The following SLC1A6 variants were observed in gnomAD, a reference collection of about 807,000 sequenced individuals.
SLC1A6 encodes excitatory amino acid transporter 4.
SLC1A6 carries 15 observed loss-of-function variants against 42.1 expected under a neutral mutation model. The ratio of observed to expected loss-of-function variants is 0.36; its 90% CI spans 0.24 to 0.55. SLC1A6 has a LOEUF of 0.55. Ranked by LOEUF, SLC1A6 falls within the 20% of genes least tolerant of loss-of-function variation. The probability of loss-of-function intolerance (pLI) is 0.88; values close to 1 mark genes in which losing one functional copy is unlikely to be tolerated. For missense variants in SLC1A6, 542 were observed against 772.5 expected (o/e 0.70, Z 3.54); for synonymous variants, 317 against 319.7 (o/e 0.99, Z 0.09).
rs200628639 is a variant in SLC1A6, at chr19:14,996,528, TTTCTTCTTC to T, written c.6+13948_6+13956del. 4.5e-3 allele frequency among the ~76,000 whole-genome samples: 566 copies of T among 125,942 alleles called. 4 individuals carry two copies. The highest frequency in any genetic ancestry group is 0.016 in the African/African-American group (512 of 32,514). The allele number at this position is 125,942 out of a possible 152,430, so 82.6% of individuals were successfully genotyped here. On this transcript the variant is annotated intron_variant, in intron 1 of 8. Coordinates refer to the SLC1A6 transcript ENST00000430939. The stretch of plus-strand genomic sequence containing the variant: ...CCTCCTCCTCCCTCTCCTCCTCCTC[TTTCTTCTTC>T]TTCTTCTTCTTCTTCTTCTTCTTGT...
At chr19:14,956,735 C>G (rs761129844) in intron 6 of SLC1A6, 26 bp from the exon 7 acceptor site, 1 of 1,507,110 alleles carries the variant, frequency 6.6e-7, no homozygotes, top group South Asian at 1.2e-5. Flanking sequence ...ACATACCTGT[C>G]AGGGCTCCCT....
chr19:14,986,535 A>G (rs2045793545), intron 1 of SLC1A6, among the ~76,000 whole-genome samples: 2 of 151,620 alleles, frequency 1.3e-5, no homozygotes, highest in South Asian at 4.2e-4. Context: ...AAAAAAAAAA[A>G]GGATTTAATA....
intron 5 of SLC1A6, among the ~76,000 whole-genome samples, chr19:14,962,733 T>C (rs2045529212): frequency 6.6e-6 from 1 of 152,090 alleles, no homozygotes; most frequent in Non-Finnish European, 1.5e-5. Flanking sequence ...TGAAACCCTG[T>C]CTCTACTAAA....
At chr19:15,009,251 A>C (rs140699208) in intron 1 of SLC1A6, among the ~76,000 whole-genome samples, 18 of 143,996 alleles carry the variant, frequency 1.3e-4, no homozygotes, top group Admixed American at 2.8e-4. Context: ...AATAGCATAT[A>C]TATCACATAG....
upstream of SLC1A6, among the ~76,000 whole-genome samples, chr19:14,982,051 C>T (rs113923966): frequency 0.051 from 7,535 of 149,112 alleles, 403 homozygotes; most frequent in African/African-American, 0.13. Context: ...GAGCGAGACC[C>T]TGTCTCTAAA....
At chr19:15,008,663 T>A (rs2079249) in intron 1 of SLC1A6, among the ~76,000 whole-genome samples, 1 of 151,874 alleles carries the variant, frequency 6.6e-6, no homozygotes, top group South Asian at 2.1e-4. Context: ...AACTTATGTG[T>A]CCATTAGCAG....
chr19:14,957,072 T>C (rs1259847401), intron 6 of SLC1A6, among the ~76,000 whole-genome samples: 1 of 152,170 alleles, frequency 6.6e-6, no homozygotes, highest in Non-Finnish European at 1.5e-5. Context: ...TGCCAAGACA[T>C]TCCCTGTCTC....
At chr19:15,006,040 T>C (rs188230735) in intron 1 of SLC1A6, among the ~76,000 whole-genome samples, 55 of 152,372 alleles carry the variant, frequency 3.6e-4, no homozygotes, top group African/African-American at 1.3e-3. Flanking sequence ...GGTGTCTCCC[T>C]GGTTCTTTGT....
At chr19:14,970,515 T>C (rs538651936) in intron 3 of SLC1A6, among the ~76,000 whole-genome samples, 9 of 151,552 alleles carry the variant, frequency 5.9e-5, no homozygotes, top group African/African-American at 9.7e-5. Flanking sequence ...ATCGAGACCA[T>C]CCTGGCTAGC....
At chr19:15,010,046 C>T (rs1475525988) in intron 1 of SLC1A6, among the ~76,000 whole-genome samples, 1 of 151,178 alleles carries the variant, frequency 6.6e-6, no homozygotes, top group Non-Finnish European at 1.5e-5. Context: ...ATTAGCTGGG[C>T]ATGGTGGTGG....
At position 14,979,254 on chromosome 19, in the gene SLC1A6, A is replaced by AG. The variant is rs1230590324; in HGVS notation, c.-8+54dup. The AG allele has an allele frequency of 2.0e-5, 3 of 151,844 alleles. No individual in the cohort carries two copies. The highest frequency in any genetic ancestry group is 7.3e-5 in the African/African-American group (3 of 41,280). 9.4% of individuals were successfully genotyped at this position (151,844 alleles called of 1,614,324 possible). ...TGTGTGCGGAGGCCACGGGTTGGGG[A>AG]GGTGGGGAGACGGGCAGGGAGACCC... On this transcript the variant is annotated intron_variant, in intron 1 of 9. Transcript: ENST00000594383. This position sits in a 1 kb window ranked among gnomAD's most constrained non-coding sequence, Gnocchi z 4.2.
chr19:14,965,942 C>T (rs1055867940), intron 4 of SLC1A6, among the ~76,000 whole-genome samples: 10 of 151,854 alleles, frequency 6.6e-5, no homozygotes, highest in African/African-American at 2.4e-4. Context: ...AATGGAAAAC[C>T]ACATACAGTA....
intron 1 of SLC1A6, among the ~76,000 whole-genome samples, chr19:14,999,300 G>A (rs991269075): frequency 6.6e-6 from 1 of 152,118 alleles, no homozygotes; most frequent in African/African-American, 2.4e-5. Flanking sequence ...TGGATTCCAG[G>A]TCTTTATATA....
intron 1 of SLC1A6, among the ~76,000 whole-genome samples, chr19:15,004,574 C>T (rs1427197403): frequency 1.3e-5 from 2 of 148,928 alleles, no homozygotes; most frequent in African/African-American, 2.5e-5. Context: ...ATGGCATGCA[C>T]CTGTAGTTCC....
At chr19:14,958,454 C>T (rs1033069841) in intron 6 of SLC1A6, among the ~76,000 whole-genome samples, 1 of 151,966 alleles carries the variant, frequency 6.6e-6, no homozygotes, top group Non-Finnish European at 1.5e-5. Context: ...TCACATTCAT[C>T]GTGGATGTGT....
intron 5 of SLC1A6, 172 bp downstream of exon 5, chr19:14,964,147 C>G: frequency 1.6e-6 from 1 of 614,670 alleles, no homozygotes; most frequent in East Asian, 2.8e-5. Context: ...TTCTCCCTAA[C>G]CCCCCCAGAT....
At chr19:14,996,357 A>G (rs2045845561) in intron 1 of SLC1A6, among the ~76,000 whole-genome samples, 1 of 152,190 alleles carries the variant, frequency 6.6e-6, no homozygotes, top group Admixed American at 6.5e-5. Flanking sequence ...TCTGGGGAAG[A>G]CGGATGAAGG....
intron 1 of SLC1A6, among the ~76,000 whole-genome samples, chr19:15,006,542 C>T (rs561122372): frequency 1.3e-4 from 20 of 152,038 alleles, no homozygotes; most frequent in African/African-American, 4.3e-4. Flanking sequence ...ATCTTATTCC[C>T]CCCACCCCCC....
At chr19:14,996,471 C>T (rs1449175203) in intron 1 of SLC1A6, among the ~76,000 whole-genome samples, 1 of 151,886 alleles carries the variant, frequency 6.6e-6, no homozygotes, top group African/African-American at 2.4e-5. Flanking sequence ...TCTCCTCCTC[C>T]TCCTTCTCCT....
Sources: allele counts gnomAD v4.1 joint callset (sites outside exome capture counted in the v4.1 genomes callset), GRCh38; gene constraint gnomAD v4.1.1; non-coding constraint Gnocchi (gnomAD v3.1); transcripts MANE v1.5; gene names NCBI Gene and HGNC (gene_info 2026-07-23, HGNC 2026-07-21).